FSTL5: variants seen among roughly 807,000 people sequenced by gnomAD.
FSTL5 encodes the protein follistatin like 5, also known as follistatin-related protein 5.
In FSTL5, 62 loss-of-function variants were observed where a neutral mutation model predicts 89.1. The observed-to-expected ratio is 0.70, with a 90% CI of 0.57 to 0.86. The LOEUF (loss-of-function observed/expected upper bound fraction) is 0.86. Ranked by LOEUF, FSTL5 falls within the 40% of genes least tolerant of loss-of-function variation. The pLI is 0.00. For synonymous variants in FSTL5, 383 were observed against 346.2 expected (o/e 1.11, Z -1.18); for missense variants, 1,057 against 1,001.6 (o/e 1.06, Z -0.75).
At chr4:161,807,397 T>A (rs1730003574) in intron 4 of FSTL5, among the ~76,000 whole-genome samples, 1 of 152,038 alleles carries the variant, frequency 6.6e-6, no homozygotes, top group Non-Finnish European at 1.5e-5. Context: ...CATTGTGAAG[T>A]ATGGGAGATA....
At chr4:161,755,343 A>C (rs187025690) in intron 6 of FSTL5, among the ~76,000 whole-genome samples, 3 of 152,216 alleles carry the variant, frequency 2.0e-5, no homozygotes, top group African/African-American at 7.2e-5. Context: ...CATTATGTCT[A>C]CTGGAATAAC....
At chr4:161,782,979 A>C (rs1741723821) in intron 4 of FSTL5, among the ~76,000 whole-genome samples, 1 of 152,126 alleles carries the variant, frequency 6.6e-6, no homozygotes. Context: ...TCATATGTGC[A>C]ACTTAGCCAT....
intron 7 of FSTL5, among the ~76,000 whole-genome samples, chr4:161,608,189 A>C (rs1734517749): frequency 1.3e-5 from 2 of 152,140 alleles, no homozygotes; most frequent in Admixed American, 1.3e-4. Flanking sequence ...TGTGTAAATT[A>C]CAATAAAATG....
chr4:161,561,608 A>G (rs1732604442), intron 8 of FSTL5, among the ~76,000 whole-genome samples: 1 of 151,994 alleles, frequency 6.6e-6, no homozygotes, highest in Admixed American at 6.6e-5. Context: ...TAATGGGGTA[A>G]AAATTGTAGC....
intron 7 of FSTL5, among the ~76,000 whole-genome samples, chr4:161,650,049 T>G (rs1405806628): frequency 6.6e-6 from 1 of 152,218 alleles, no homozygotes; most frequent in African/African-American, 2.4e-5. Flanking sequence ...TAGTATGTTT[T>G]ATAAAATAGT....
chr4:161,924,797 C>T (rs1436236560), intron 3 of FSTL5, among the ~76,000 whole-genome samples: 7 of 151,744 alleles, frequency 4.6e-5, no homozygotes, highest in Admixed American at 4.6e-4. Context: ...AGGGAAGAAC[C>T]AGATTTTGAA....
intron 4 of FSTL5, among the ~76,000 whole-genome samples, chr4:161,843,944 T>C (rs1289704478): frequency 6.6e-6 from 1 of 152,028 alleles, no homozygotes; most frequent in Non-Finnish European, 1.5e-5. Context: ...AATTGACAAA[T>C]GGAATCTAAT....
chr4:161,975,520 G>A (rs1280910420), intron 3 of FSTL5, among the ~76,000 whole-genome samples: 9 of 144,804 alleles, frequency 6.2e-5, no homozygotes, highest in East Asian at 4.2e-4. Context: ...ACCAAACACC[G>A]CATATTCTCA....
At chr4:161,665,820 T>C (rs1288355333) in intron 6 of FSTL5, among the ~76,000 whole-genome samples, 1 of 135,764 alleles carries the variant, frequency 7.4e-6, no homozygotes, top group African/African-American at 2.7e-5. Flanking sequence ...AGAAGAAAAA[T>C]GATTCTAGAT....
rs112673506 is a variant in FSTL5 at position 161,428,654 on chromosome 4, C to T, written c.1841+26350G>A. The stretch of plus-strand genomic sequence containing the variant: ...GAAACCACTGCTTTAAATGGAAGAA[C>T]GCAGTCTGGGCAAGACTCATCACCT... On this transcript the variant is annotated intron_variant, in intron 15 of 15. Transcript: ENST00000306100. Among the ~76,000 whole-genome samples, 1,075 of 152,114 alleles carry T rather than the reference C, an allele frequency of 7.1e-3. 11 individuals carry two copies. The highest frequency in any genetic ancestry group is 0.024 in the African/African-American group (982 of 41,504).
At chr4:161,616,074 T>C (rs1365591227) in intron 7 of FSTL5, among the ~76,000 whole-genome samples, 1 of 150,906 alleles carries the variant, frequency 6.6e-6, no homozygotes, top group Non-Finnish European at 1.5e-5. Context: ...GTTTTTTTTT[T>C]CTTTTTCTTT....
intron 15 of FSTL5, among the ~76,000 whole-genome samples, chr4:161,443,586 T>C (rs559395410): frequency 6.6e-6 from 1 of 152,028 alleles, no homozygotes; most frequent in East Asian, 1.9e-4. Flanking sequence ...ATTTGAAAAG[T>C]TGGTATTTAA....
chr4:161,921,177 A>G (rs1044129886), intron 3 of FSTL5, among the ~76,000 whole-genome samples: 5 of 152,168 alleles, frequency 3.3e-5, no homozygotes, highest in African/African-American at 1.2e-4. Context: ...GTATGCATAC[A>G]AGGCAGAAAA....
intron 4 of FSTL5, among the ~76,000 whole-genome samples, chr4:161,795,994 G>T (rs1181982448): frequency 2.0e-5 from 3 of 151,656 alleles, no homozygotes; most frequent in Admixed American, 1.3e-4. Context: ...ACCTACATAT[G>T]CACAGCCAAA....
intron 4 of FSTL5, among the ~76,000 whole-genome samples, chr4:161,798,599 A>T (rs748670641): frequency 1.3e-5 from 2 of 151,560 alleles, no homozygotes; most frequent in Non-Finnish European, 3.0e-5. Flanking sequence ...CTCAGCCCCA[A>T]TCAAAACTTT....
At chr4:161,951,492 A>G (rs541979176) in intron 3 of FSTL5, among the ~76,000 whole-genome samples, 2 of 152,220 alleles carry the variant, frequency 1.3e-5, no homozygotes, top group South Asian at 4.1e-4. Flanking sequence ...TAACAATGAT[A>G]TAGTCACTTC....
intron 6 of FSTL5, among the ~76,000 whole-genome samples, chr4:161,726,051 G>A (rs139683884): frequency 2.0e-5 from 3 of 152,078 alleles, no homozygotes; most frequent in African/African-American, 7.2e-5. Flanking sequence ...TAAAAAAGCT[G>A]GTGAGGAGCA....
At chr4:161,973,383 G>C (rs1038585694) in intron 3 of FSTL5, among the ~76,000 whole-genome samples, 1 of 152,120 alleles carries the variant, frequency 6.6e-6, no homozygotes, top group African/African-American at 2.4e-5. Flanking sequence ...ACATATTTCA[G>C]TTGCAGAAAG....
intron 1 of FSTL5, among the ~76,000 whole-genome samples, chr4:162,136,458 G>A (rs981450430): frequency 6.6e-6 from 1 of 151,972 alleles, no homozygotes; most frequent in African/African-American, 2.4e-5. Flanking sequence ...TCTTTAGAGT[G>A]GGGGGAGTTG....
Sources: gnomAD v4.1 joint callset for allele counts (sites outside exome capture counted in the v4.1 genomes callset) on GRCh38, gnomAD v4.1.1 for gene constraint, MANE v1.5 for transcripts, NCBI Gene and HGNC (gene_info 2026-07-23, HGNC 2026-07-21) for gene names.